The following PCDHGA4 variants were observed in gnomAD, a reference collection of about 807,000 sequenced individuals.
The protein encoded by PCDHGA4 is protocadherin gamma subfamily A, 4.
Under a neutral mutation model 54.6 loss-of-function variants are expected in PCDHGA4, and 38 were observed. That is an observed-to-expected ratio of 0.70 (90% CI 0.54 to 0.91). PCDHGA4 has a LOEUF of 0.91. PCDHGA4 is among the 40% of genes least tolerant of loss of function. The pLI, the probability that PCDHGA4 is intolerant of heterozygous loss-of-function variation, is 0.00. For missense variants in PCDHGA4, 1,298 were observed against 1,220.9 expected (o/e 1.06, Z -0.94); for synonymous variants, 511 against 512.9 (o/e 1.00, Z 0.05).
chr5:141,374,708 C>T (rs974732178), intron 1 of PCDHGA4: 3 of 1,609,146 alleles, frequency 1.9e-6, no homozygotes, highest in South Asian at 2.2e-5. Flanking sequence ...AGCCGTTTAC[C>T]GCCTGGTCCT....
intron 1 of PCDHGA4, chr5:141,399,579 C>T: frequency 6.2e-7 from 1 of 1,614,026 alleles, no homozygotes; most frequent in South Asian, 1.1e-5. Context: ...GCCAAGTCTC[C>T]TACTCTATCA....
chr5:141,434,449 G>C (rs1392115883), intron 1 of PCDHGA4, among the ~76,000 whole-genome samples: 1 of 152,232 alleles, frequency 6.6e-6, no homozygotes, highest in Non-Finnish European at 1.5e-5. Context: ...ATGCTGGAAG[G>C]TAGTGGGTTT....
intron 1 of PCDHGA4, chr5:141,409,138 A>T: frequency 6.2e-7 from 1 of 1,614,046 alleles, no homozygotes; most frequent in South Asian, 1.1e-5. Context: ...TTGAAGATGT[A>T]GAAAGGTACA....
intron 1 of PCDHGA4, chr5:141,387,787 A>C (rs2091094069): frequency 6.1e-6 from 9 of 1,479,268 alleles, no homozygotes; most frequent in Non-Finnish European, 1.8e-6. Context: ...CTGGAACTGC[A>C]ACTAAAGTCC....
intron 1 of PCDHGA4, chr5:141,400,422 T>C (rs1460679509): frequency 1.2e-6 from 2 of 1,613,936 alleles, no homozygotes; most frequent in Non-Finnish European, 1.7e-6. Flanking sequence ...TCCTAAAATG[T>C]AGTGAGCAAT....
chr5:141,387,871 G>A (rs1275687057), intron 1 of PCDHGA4: 4 of 1,589,520 alleles, frequency 2.5e-6, no homozygotes, highest in Admixed American at 1.8e-5. Context: ...AGCAAGCTGA[G>A]GAGAGCAAGA....
intron 1 of PCDHGA4, chr5:141,382,963 A>T (rs1778642004): frequency 6.2e-7 from 1 of 1,606,674 alleles, no homozygotes. Context: ...CCTCCTGGGG[A>T]CCCCCTGGGA....
In PCDHGA4 at chr5:141,438,615, TATATATATATATATATATATACACAC is replaced by T. The variant is rs1337184558; in HGVS notation, c.2515-56190_2515-56165del. ...ACATATATATATATATATATATATATATATATATATATATATATATACACACACACACACACATATATGTATATATA... is the reference window on the plus strand; with the variant it reads ...ACATATATATATATATATATATATATACACACACACATATATGTATATATA... On this transcript the variant is annotated intron_variant, in intron 1 of 3. Coordinates refer to ENST00000571252, the MANE Select transcript of PCDHGA4 (RefSeq NM_018917.4). 3.6e-3 allele frequency among the ~76,000 whole-genome samples: 130 copies of T among 35,912 alleles called. 2 individuals are homozygous for T. Among genetic ancestry groups the T allele is most frequent in the African/African-American group, 0.022 (107 of 4,918 alleles). The allele number at this position is 35,912 out of a possible 152,430, so 23.6% of individuals were successfully genotyped here.
intron 1 of PCDHGA4, chr5:141,385,740 T>A: frequency 4.9e-6 from 1 of 202,756 alleles, no homozygotes; most frequent in Non-Finnish European, 8.9e-6. Context: ...ATTTCTTCCA[T>A]GTGAAGATTT....
At chr5:141,420,018 G>A (rs2096458708) in intron 1 of PCDHGA4, 2 of 1,613,948 alleles carry the variant, frequency 1.2e-6, no homozygotes, top group African/African-American at 1.3e-5. Flanking sequence ...CAGTCTTTCA[G>A]CCCTACTGCA....
At chr5:141,371,815 T>A (rs966835739) in intron 1 of PCDHGA4, 1 of 1,613,856 alleles carries the variant, frequency 6.2e-7, no homozygotes, top group Non-Finnish European at 8.5e-7. Flanking sequence ...ATTGCGCATG[T>A]CAGAGCCTCG....
Position 141,477,553 on chromosome 5 carries a change from A to G in PCDHGA4, c.2515-17254A>G. ...TCCCCGGGGCTCCAATACTAAACCTAAGTGTCTGGGACCCCGACGCCCCGC... is the reference window on the plus strand; with the variant it reads ...TCCCCGGGGCTCCAATACTAAACCTGAGTGTCTGGGACCCCGACGCCCCGC... On this transcript the variant is annotated intron_variant, in intron 1 of 3. Transcript: ENST00000571252. This position sits in a 1 kb window ranked among gnomAD's most constrained non-coding sequence, Gnocchi z 4.9. 5 of 1,614,090 alleles carry G rather than the reference A, an allele frequency of 3.1e-6. No individual in the cohort carries two copies. The highest frequency in any genetic ancestry group is 4.2e-6 in the Non-Finnish European group (5 of 1,180,020).
chr5:141,422,762 C>A (rs745320796), intron 1 of PCDHGA4: 1 of 1,613,392 alleles, frequency 6.2e-7, no homozygotes, highest in Admixed American at 1.7e-5. Context: ...AACTCCAACA[C>A]TGGTGTTCTC....
At chr5:141,410,458 T>A in intron 1 of PCDHGA4, 1 of 1,614,040 alleles carries the variant, frequency 6.2e-7, no homozygotes, top group African/African-American at 1.3e-5. Flanking sequence ...CTTATTCTTA[T>A]AATCTGTGCA....
chr5:141,421,188 C>T lies in PCDHGA4; in HGVS notation c.2514+63567C>T, dbSNP rs1364019876. 2.0e-6 allele frequency: 3 copies of T among 1,471,410 alleles called. No individual in the cohort carries two copies. The South Asian group carries it at 4.0e-5, about 20-fold the overall frequency. The allele number at this position is 1,471,410 out of a possible 1,614,324, so 91.1% of individuals were successfully genotyped here. A position where few individuals can be genotyped will look rare whatever the true frequency, so the allele number is the denominator to read the frequency against. The stretch of plus-strand genomic sequence containing the variant: ...GATACATAAGCCGATTCACAACCAA[C>T]CAGCTCGAGAAACCGCGGAATATCG... On this transcript the variant is annotated intron_variant, in intron 1 of 3. Coordinates refer to ENST00000571252, the MANE Select transcript of PCDHGA4 (RefSeq NM_018917.4).
At position 141,489,760 on chromosome 5, in the gene PCDHGA4, C is replaced by A; in HGVS notation, c.2515-5047C>A. 1 of 1,614,086 alleles carries A rather than the reference C, an allele frequency of 6.2e-7. No individual in the cohort carries two copies. Among genetic ancestry groups the A allele is most frequent in the Non-Finnish European group, 8.5e-7 (1 of 1,179,970 alleles). On this transcript the variant is annotated intron_variant, in intron 1 of 3. Coordinates refer to ENST00000571252, the MANE Select transcript of PCDHGA4 (RefSeq NM_018917.4). This position sits in a 1 kb window ranked among gnomAD's most constrained non-coding sequence, Gnocchi z 4.5. ...TACTGTGAGCTTTTACACTCTAAGC[C>A]CCAACAGCCACTTCTCTCTGAATGT...
At position 141,489,481 on chromosome 5, in the gene PCDHGA4, A is replaced by C; in HGVS notation, c.2515-5326A>C. 6.2e-7 allele frequency: 1 copy of C among 1,614,040 alleles called. No homozygotes were observed. The highest frequency in any genetic ancestry group is 8.5e-7 in the Non-Finnish European group (1 of 1,180,004). ...GCGCTATTTTTCCCTGAGCTTGATG[A>C]GTGGTGCCCTGGCAGTGAATCAAAA... is the stretch of plus-strand genomic sequence containing the variant. On this transcript the variant is annotated intron_variant, in intron 1 of 3. Transcript: ENST00000571252. The surrounding 1 kb of genome is among the most constrained non-coding windows in gnomAD (Gnocchi z 4.5).
intron 1 of PCDHGA4, chr5:141,389,934 G>A (rs746045897): frequency 6.2e-7 from 1 of 1,614,064 alleles, no homozygotes; most frequent in East Asian, 2.2e-5. Flanking sequence ...TGACCTCCAG[G>A]CTGAGCTGCA....
chr5:141,403,127 C>G, intron 1 of PCDHGA4: 1 of 1,614,062 alleles, frequency 6.2e-7, no homozygotes, highest in Non-Finnish European at 8.5e-7. Context: ...GCCCCGGGAG[C>G]TGGCGGAGCG....
Sources: allele counts gnomAD v4.1 joint callset (sites outside exome capture counted in the v4.1 genomes callset), GRCh38; gene constraint gnomAD v4.1.1; non-coding constraint Gnocchi (gnomAD v3.1); transcripts MANE v1.5; gene names NCBI Gene and HGNC (gene_info 2026-07-23, HGNC 2026-07-21).